Variants in SETD1A observed in about 807,000 individuals in gnomAD.
SETD1A encodes the protein SET domain containing 1A, histone lysine methyltransferase.
Under a neutral mutation model 149.9 loss-of-function variants are expected in SETD1A, and 29 were observed. The observed-to-expected ratio is 0.19, with a 90% CI of 0.14 to 0.26. The LOEUF is 0.26. Among genes scored for constraint, SETD1A ranks in the 10% least tolerant of loss-of-function variants. SETD1A has a pLI of 1.00. For synonymous variants in SETD1A, 1,141 were observed against 968.5 expected, an observed-to-expected ratio of 1.18 and a Z score of -3.31; for missense variants, 2,109 against 2,353.1, an observed-to-expected ratio of 0.90 and a Z score of 2.15.
intron 12 of SETD1A, 140 bp from the exon 13 acceptor site, chr16:30,971,238 C>T (rs2056219708): frequency 1.2e-6 from 1 of 844,952 alleles, no homozygotes; most frequent in Non-Finnish European, 1.8e-6. Context: ...AAATGGTTTG[C>T]TTATGCAGCT....
At chr16:30,975,907 C>T (rs558854574) in intron 13 of SETD1A, among the ~76,000 whole-genome samples, 5 of 152,074 alleles carry the variant, frequency 3.3e-5, no homozygotes, top group South Asian at 2.1e-4. Flanking sequence ...CTGAAGGGAA[C>T]GGGCCAGGTA....
At position 30,957,839 on chromosome 16, in the gene SETD1A, C is replaced by T. The variant is rs941459142; in HGVS notation, c.-141C>T. On this transcript the variant is annotated 5_prime_UTR_variant, in exon 1 of 19. Transcript: ENST00000262519. ...CGGCCAATCTCCAAGCTCCCTGGGC[C>T]GCAACTTCCGAGCCTCCCAGGGCGC... 64 of 152,388 alleles carry T rather than the reference C, an allele frequency of 4.2e-4. 1 individual carries two copies. Among genetic ancestry groups the T allele is most frequent in the African/African-American group, 1.5e-3 (64 of 41,588 alleles). 9.4% of individuals were successfully genotyped at this position (152,388 alleles called of 1,614,324 possible). A position where few individuals can be genotyped will look rare whatever the true frequency, so the allele number is the denominator to read the frequency against.
rs2143585767 is a variant in SETD1A, at chr16:30,980,262, T to C, written c.4408+68T>C. 6.6e-7 allele frequency: 1 copy of C among 1,504,992 alleles called. No individual in the cohort carries two copies. Among genetic ancestry groups the C allele is most frequent in the South Asian group, 1.3e-5 (1 of 75,232 alleles). 93.2% of individuals were successfully genotyped at this position (1,504,992 alleles called of 1,614,324 possible). A position where few individuals can be genotyped will look rare whatever the true frequency, so the allele number is the denominator to read the frequency against. On this transcript the variant is annotated intron_variant, in intron 14 of 18. Coordinates refer to ENST00000262519, the MANE Select transcript of SETD1A (RefSeq NM_014712.3). The surrounding 1 kb of genome is among the most constrained non-coding windows in gnomAD (Gnocchi z 7.7). ...CCCGACCCCTCCAGGCACCTGCATCTGTGCCCCACTCTGTCTGCCTCCCCT... is the reference window on the plus strand; with the variant it reads ...CCCGACCCCTCCAGGCACCTGCATCCGTGCCCCACTCTGTCTGCCTCCCCT...
chr16:30,968,070 C>A (rs919207756), intron 10 of SETD1A, among the ~76,000 whole-genome samples: 1 of 152,080 alleles, frequency 6.6e-6, no homozygotes, highest in Non-Finnish European at 1.5e-5. Context: ...CTCTTCCACC[C>A]GACCAGAAAA....
At chr16:30,970,487 C>G (rs2056211479) in intron 12 of SETD1A, among the ~76,000 whole-genome samples, 1 of 151,876 alleles carries the variant, frequency 6.6e-6, no homozygotes, top group Non-Finnish European at 1.5e-5. Context: ...AGGCTGGTCC[C>G]AAACTCATGA....
intron 1 of SETD1A, chr16:30,958,414 A>C: frequency 4.3e-5 from 4 of 92,124 alleles, no homozygotes; most frequent in Non-Finnish European, 7.0e-5. Context: ...CGGGGCCTGC[A>C]GGGGGCGGGG....
At chr16:30,958,495 G>C in intron 1 of SETD1A, 1 of 553,532 alleles carries the variant, frequency 1.8e-6, no homozygotes, top group Non-Finnish European at 3.2e-6. Flanking sequence ...GCTCGAGACG[G>C]GCCTGGGGGC....
In SETD1A at chr16:30,979,634, C is replaced by T. The variant is rs1487215730; in HGVS notation, c.3848C>T (p.Ser1283Leu). 6 of 1,610,514 alleles carry T rather than the reference C, an allele frequency of 3.7e-6. No individual in the cohort carries two copies. In the East Asian group the frequency reaches 8.9e-5, roughly 24 times the overall value. ...AVEDSEATET[S>L]DEAERPRPLL... is the part of the protein sequence containing the mutation. Reference sequence around the variant, plus strand: ...GAAGACTCAGAGGCCACAGAGACATCGGACGAGGCCGAGCGCCCTAGGCCC... The same window carrying T: ...GAAGACTCAGAGGCCACAGAGACATTGGACGAGGCCGAGCGCCCTAGGCCC... The change falls in exon 14 of 19, where the codon TCG becomes TTG. Residue 1283 changes from serine to leucine, a missense_variant. Coordinates refer to ENST00000262519, the MANE Select transcript of SETD1A (RefSeq NM_014712.3).
chr16:30,977,038 C>T (rs550434244), intron 13 of SETD1A, among the ~76,000 whole-genome samples: 1 of 152,232 alleles, frequency 6.6e-6, no homozygotes, highest in South Asian at 2.1e-4. Flanking sequence ...TCCTCAGCCT[C>T]CCAGGTTCAA....
In SETD1A at chr16:30,971,553, T is replaced by C. The variant is rs1488322366; in HGVS notation, c.3192T>C (p.Asp1064=). 4.3e-6 allele frequency: 7 copies of C among 1,613,860 alleles called. No individual in the cohort carries two copies. Among genetic ancestry groups the C allele is most frequent in the Non-Finnish European group, 5.9e-6 (7 of 1,179,934 alleles). Residue 1064 remains aspartate (D), a synonymous_variant, in exon 13 of 19, where the codon GAT becomes GAC. Coordinates refer to ENST00000262519, the MANE Select transcript of SETD1A (RefSeq NM_014712.3). ...CATCCTCTGAGTCCTCCTCTGAAGA[T>C]GAAGAGGAAGAGGAGCGGCCAGCAG... ...SSSSSESSSE[D]EEEEERPAAL...
In SETD1A at chr16:30,971,568, G is replaced by A. The variant is rs2056225374; in HGVS notation, c.3207G>A (p.Glu1069=). The A allele has an allele frequency of 6.2e-7, 1 of 1,613,762 alleles. No individual in the cohort carries two copies. Among genetic ancestry groups the A allele is most frequent in the Non-Finnish European group, 8.5e-7 (1 of 1,179,944 alleles). ...ESSSEDEEEE[E]RPAALPSASP... ...CCTCTGAAGATGAAGAGGAAGAGGAGCGGCCAGCAGCCCTTCCCTCAGCCT... is the reference window on the plus strand; with the variant it reads ...CCTCTGAAGATGAAGAGGAAGAGGAACGGCCAGCAGCCCTTCCCTCAGCCT... Residue 1069 remains glutamate, a synonymous_variant, in exon 13 of 19, where the codon GAG becomes GAA. Transcript: ENST00000262519.
rs746498612 is a variant in SETD1A, at chr16:30,969,338, G to A, written c.2804G>A (p.Gly935Glu). 1.9e-6 allele frequency: 3 copies of A among 1,614,188 alleles called. No homozygotes were observed. The highest frequency in any genetic ancestry group is 1.7e-6 in the Non-Finnish European group (2 of 1,180,012). Residue 935 changes from glycine to glutamate, a missense_variant, in exon 11 of 19, where the codon GGA (glycine) becomes GAA (glutamate). Gly to Glu is a moderately conservative substitution (Grantham distance 98, BLOSUM62 -2). This residue lies in a region of SETD1A where 832 missense variants were observed against 815.6 expected (regional missense o/e 1.02). Transcript: ENST00000262519. ...CAAGAGAAGGAGGCTGGAGAGCCAG[G>A]ACGTCCGGGGACCAAGCCCCCGAAG... ...PEQEKEAGEP[G>E]RPGTKPPKRD...
intron 13 of SETD1A, among the ~76,000 whole-genome samples, chr16:30,971,956 G>T (rs571429845): frequency 9.2e-5 from 14 of 152,188 alleles, no homozygotes; most frequent in Non-Finnish European, 1.0e-4. Flanking sequence ...AGTAAAATGG[G>T]TTGGTCTCTT....
At chr16:30,966,790 G>A (rs2056153425) in intron 8 of SETD1A, 94 bp from the exon 9 acceptor site, 1 of 1,355,888 alleles carries the variant, frequency 7.4e-7, no homozygotes, top group Admixed American at 2.9e-5. Flanking sequence ...GCAAGTAGAT[G>A]CGTTCTGTAT....
At chr16:30,959,429 A>G (rs2143451900) in intron 3 of SETD1A, among the ~76,000 whole-genome samples, 1 of 152,198 alleles carries the variant, frequency 6.6e-6, no homozygotes, top group South Asian at 2.1e-4. Flanking sequence ...GGGTGAGGTA[A>G]AGACTCTTTA....
chr16:30,964,038 G>T, intron 5 of SETD1A, 56 bp from the exon 6 acceptor site: 1 of 1,369,274 alleles, frequency 7.3e-7, no homozygotes, highest in Non-Finnish European at 1.0e-6. Context: ...GAAAGGGCAG[G>T]TCTCAAGTGG....
Position 30,964,255 on chromosome 16 carries a change from C to A in SETD1A, c.801C>A (p.Ser267=), listed in dbSNP as rs747996167. 1 of 1,614,060 alleles carries A rather than the reference C, an allele frequency of 6.2e-7. No individual in the cohort carries two copies. Among genetic ancestry groups the A allele is most frequent in the South Asian group, 1.1e-5 (1 of 91,082 alleles). ...CCTTTGGCCAGTTCACACCTCAGTC[C>A]TCCCAAGGAACCCCCTACACGTCTC... ...PSSFGQFTPQ[S]SQGTPYTSRG... The change falls in exon 6 of 19, where the codon TCC becomes TCA. Residue 267 remains serine (S), a synonymous_variant. Coordinates refer to ENST00000262519, the MANE Select transcript of SETD1A (RefSeq NM_014712.3).
intron 3 of SETD1A, among the ~76,000 whole-genome samples, chr16:30,960,730 CTTTTTTTTTTTTT>C (rs71374043): frequency 1.6e-4 from 13 of 80,552 alleles, no homozygotes; most frequent in East Asian, 3.6e-4. Flanking sequence ...TTCTTTCTTT[CTTTTTTTTTTTTT>C]TTTTTTTTTT....
intron 10 of SETD1A, 34 bp downstream of exon 10, chr16:30,967,622 G>A: frequency 6.3e-7 from 1 of 1,582,564 alleles, no homozygotes; most frequent in Non-Finnish European, 8.7e-7. Flanking sequence ...GAAGGGGTGT[G>A]CTGCGTGGGT....
Sources: gnomAD v4.1 joint callset for allele counts (sites outside exome capture counted in the v4.1 genomes callset) on GRCh38, gnomAD v4.1.1 for gene constraint, gnomAD v4.1.1 regional missense constraint, Gnocchi (gnomAD v3.1) non-coding constraint, MANE v1.5 for transcripts, NCBI Gene and HGNC (gene_info 2026-07-23, HGNC 2026-07-21) for gene names.